The following ZNF443 variants were observed in gnomAD, a reference collection of about 807,000 sequenced individuals.
ZNF443 encodes Kruppel-type zinc finger (C2H2).
In ZNF443, 3 loss-of-function variants were observed where a neutral mutation model predicts 12.0. The observed-to-expected ratio is 0.25, with a 90% CI of 0.11 to 0.64. The LOEUF (loss-of-function observed/expected upper bound fraction) is 0.64. Among genes scored for constraint, ZNF443 ranks in the 30% least tolerant of loss-of-function variants. The probability of loss-of-function intolerance (pLI) is 0.84; values close to 1 mark genes in which losing one functional copy is unlikely to be tolerated. For missense variants in ZNF443, 770 were observed against 808.8 expected (o/e 0.95, Z 0.58); for synonymous variants, 225 against 265.9 (o/e 0.85, Z 1.50).
rs764952345 is a variant in ZNF443 at position 12,431,438 on chromosome 19, C to A, written c.734G>T (p.Arg245Ile). 2.2e-5 allele frequency: 36 copies of A among 1,613,900 alleles called. No individual in the cohort carries two copies. Among genetic ancestry groups the A allele is most frequent in the Non-Finnish European group, 3.0e-5 (35 of 1,179,958 alleles). Reference sequence around the variant, plus strand: ...ATACGGTTTCTCCCCAGTATGTGTTCTTTCATGTCTTAGATAGGAACTGTA... The same window carrying A: ...ATACGGTTTCTCCCCAGTATGTGTTATTTCATGTCTTAGATAGGAACTGTA... ...SFYSSYLRHE[R>I]THTGEKPYEC... The change falls in exon 4 of 4, where the codon AGA (arginine) becomes ATA (isoleucine). Residue 245 changes from arginine to isoleucine, a missense_variant. Arg to Ile is a moderately conservative substitution (Grantham distance 97). Around this residue, in one of 3 missense-constraint regions of ZNF443, gnomAD observed 736 missense variants for 689.4 expected, o/e 1.07. Coordinates refer to ENST00000301547, the MANE Select transcript of ZNF443 (RefSeq NM_005815.5).
chr19:12,435,268 G>A (rs62110698), intron 1 of ZNF443, among the ~76,000 whole-genome samples: 49,191 of 151,258 alleles, frequency 0.33, 8,228 homozygotes, highest in South Asian at 0.47. Context: ...GAGCCACAGT[G>A]CCCAGCCAAG....
intron 1 of ZNF443, among the ~76,000 whole-genome samples, chr19:12,440,709 C>T (rs1309833012): frequency 2.0e-5 from 3 of 152,202 alleles, no homozygotes; most frequent in African/African-American, 7.2e-5. Flanking sequence ...CCGCAGTCGC[C>T]GCGCAGGAAC....
Position 12,430,975 on chromosome 19 carries a change from C to T in ZNF443, c.1197G>A (p.Gly399=). 6.2e-7 allele frequency: 1 copy of T among 1,613,694 alleles called. No individual in the cohort carries two copies. The highest frequency in any genetic ancestry group is 8.5e-7 in the Non-Finnish European group (1 of 1,179,790). Residue 399 remains glycine (G), a synonymous_variant, in exon 4 of 4, where the codon GGG becomes GGA. Coordinates refer to ENST00000301547, the MANE Select transcript of ZNF443 (RefSeq NM_005815.5). ...AGCTTGAGCGATGAGATAATGCTTT[C>T]CCACACTGCTTGCATTCATAGGGTT... ...GEKPYECKQC[G]KALSHRSSFR...
intron 1 of ZNF443, among the ~76,000 whole-genome samples, chr19:12,437,956 C>T (rs1224785708): frequency 7.0e-6 from 1 of 143,502 alleles, no homozygotes; most frequent in East Asian, 2.0e-4. Context: ...AAAAAATTAG[C>T]CAGGCATGGT....
chr19:12,430,950 A>T lies in ZNF443; in HGVS notation c.1222T>A (p.Phe408Ile), dbSNP rs1367664900. Residue 408 changes from phenylalanine to isoleucine, a missense_variant, in exon 4 of 4, where the codon TTT becomes ATT. Around this residue, in one of 3 missense-constraint regions of ZNF443, gnomAD observed 736 missense variants for 689.4 expected, o/e 1.07. Coordinates refer to ENST00000301547, the MANE Select transcript of ZNF443 (RefSeq NM_005815.5). Reference protein sequence around the residue: ...CGKALSHRSSFRSHMIMHTGD... With the variant: ...CGKALSHRSSIRSHMIMHTGD... The stretch of plus-strand genomic sequence containing the variant: ...GTGTGCATTATCATATGACTTCGAA[A>T]GCTTGAGCGATGAGATAATGCTTTC... 1.2e-6 allele frequency: 2 copies of T among 1,613,570 alleles called. No homozygotes were observed. The highest frequency in any genetic ancestry group is 1.7e-6 in the Non-Finnish European group (2 of 1,179,748).
intron 1 of ZNF443, among the ~76,000 whole-genome samples, chr19:12,438,055 C>T (rs1377712329): frequency 2.0e-5 from 3 of 150,466 alleles, no homozygotes; most frequent in African/African-American, 7.4e-5. Context: ...GAGCTGAGAT[C>T]GTGCCACTGC....
rs575112192 is a variant in ZNF443 at position 12,430,582 on chromosome 19, T to C, written c.1590A>G (p.Lys530=). Residue 530 remains lysine, a synonymous_variant, in exon 4 of 4, where the codon AAA becomes AAG. Transcript: ENST00000301547. ...SRHKRTHTGE[K]PYECKTCRKA... ...TCCTACATGTTTTACACTCATAAGG[T>C]TTCTCTCCTGTGTGAGTCCTTTTAT... 2.5e-6 allele frequency: 4 copies of C among 1,613,822 alleles called. No individual in the cohort carries two copies. The highest frequency in any genetic ancestry group is 2.2e-5 in the East Asian group (1 of 44,806).
chr19:12,433,767 G>C (rs1216697948), intron 1 of ZNF443, among the ~76,000 whole-genome samples: 2 of 151,026 alleles, frequency 1.3e-5, no homozygotes, highest in Non-Finnish European at 2.9e-5. Flanking sequence ...AGAGTGCACT[G>C]ATCAGCCACT....
In ZNF443 at chr19:12,430,813, T is replaced by C. The variant is rs1970243197; in HGVS notation, c.1359A>G (p.Gln453=). ...HTAEKPYKCK[Q]CGKAYRISSS... is the part of the protein sequence containing the mutation. ...TGGAAATACGGTAGGCTTTGCCACA[T>C]TGTTTACATTTATAGGGTTTCTCTG... The change falls in exon 4 of 4, where the codon CAA becomes CAG. Residue 453 remains glutamine, a synonymous_variant. Coordinates refer to ENST00000301547, the MANE Select transcript of ZNF443 (RefSeq NM_005815.5). The C allele has an allele frequency of 2.5e-6, 4 of 1,614,008 alleles. No individual in the cohort carries two copies. Among genetic ancestry groups the C allele is most frequent in the African/African-American group, 2.7e-5 (2 of 74,934 alleles).
chr19:12,433,838 A>AG (rs1970282228), intron 1 of ZNF443, among the ~76,000 whole-genome samples: 1 of 120,600 alleles, frequency 8.3e-6, no homozygotes, highest in Non-Finnish European at 1.7e-5. Context: ...CCAAAGTGGC[A>AG]GAAAAAAAAA....
At chr19:12,438,035 A>C (rs1434010791) in intron 1 of ZNF443, among the ~76,000 whole-genome samples, 1 of 151,144 alleles carries the variant, frequency 6.6e-6, no homozygotes, top group African/African-American at 2.4e-5. Context: ...CAGGAGGCGG[A>C]GGTTGCAGTG....
intron 1 of ZNF443, among the ~76,000 whole-genome samples, chr19:12,434,565 T>C (rs1227811100): frequency 1.3e-5 from 2 of 152,090 alleles, no homozygotes; most frequent in Non-Finnish European, 2.9e-5. Context: ...TCAACAAAAA[T>C]TACATTACCA....
intron 1 of ZNF443, 89 bp downstream of exon 1, chr19:12,440,823 T>A: frequency 6.2e-7 from 1 of 1,608,922 alleles, no homozygotes; most frequent in Non-Finnish European, 8.5e-7. Context: ...GAAGTCGCCC[T>A]TGGGGAGGCC....
At chr19:12,438,034 G>A (rs1292794489) in intron 1 of ZNF443, among the ~76,000 whole-genome samples, 1 of 151,966 alleles carries the variant, frequency 6.6e-6, no homozygotes, top group Non-Finnish European at 1.5e-5. Flanking sequence ...GCAGGAGGCG[G>A]AGGTTGCAGT....
At chr19:12,434,577 G>A (rs1568238303) in intron 1 of ZNF443, among the ~76,000 whole-genome samples, 1 of 152,024 alleles carries the variant, frequency 6.6e-6, no homozygotes, top group Non-Finnish European at 1.5e-5. Context: ...ACATTACCAA[G>A]TCTAATAGAA....
chr19:12,430,837 T>C lies in ZNF443; in HGVS notation c.1335A>G (p.Ala445=). The change falls in exon 4 of 4, where the codon GCA becomes GCG. Residue 445 remains alanine, a synonymous_variant. Transcript: ENST00000301547. ...VFQRHERTHT[A]EKPYKCKQCG... Reference sequence around the variant, plus strand: ...ATTGTTTACATTTATAGGGTTTCTCTGCAGTGTGAGTCCTTTCATGTCTTT... The same window carrying C: ...ATTGTTTACATTTATAGGGTTTCTCCGCAGTGTGAGTCCTTTCATGTCTTT... 1.9e-6 allele frequency: 3 copies of C among 1,614,168 alleles called. No homozygotes were observed. The highest frequency in any genetic ancestry group is 1.7e-6 in the Non-Finnish European group (2 of 1,179,980).
rs764236722 is a variant in ZNF443 at position 12,431,072 on chromosome 19, C to G, written c.1100G>C (p.Cys367Ser). The G allele has an allele frequency of 6.2e-7, 1 of 1,614,062 alleles. No homozygotes were observed. Among genetic ancestry groups the G allele is most frequent in the Non-Finnish European group, 8.5e-7 (1 of 1,179,974 alleles). The change falls in exon 4 of 4, where the codon TGT becomes TCT. Residue 367 changes from cysteine to serine, a missense_variant. This residue lies in a region of ZNF443 where 736 missense variants were observed against 689.4 expected (regional missense o/e 1.07). Transcript: ENST00000301547. ...ATCAAAGCCTTTCCCACATATCTTA[C>G]ATTTATGAGGTCCATTTCCAGTGTG... is the stretch of plus-strand genomic sequence containing the variant. ...IRHTGNGPHKCKICGKGFDCP... is the reference protein window; with the variant it reads ...IRHTGNGPHKSKICGKGFDCP...
At chr19:12,439,014 G>C (rs1970340452) in intron 1 of ZNF443, among the ~76,000 whole-genome samples, 1 of 152,138 alleles carries the variant, frequency 6.6e-6, no homozygotes, top group Non-Finnish European at 1.5e-5. Flanking sequence ...AAAGTCTAAT[G>C]CAACAATCAG....
rs1437899674 is a variant in ZNF443, at chr19:12,437,006, C to G, written c.4-3809G>C. Reference sequence around the variant, plus strand: ...GAACACTGGGTTATATGAGCATTACCCTAAAAGCCAGTACAGTGTTACTTA... The same window carrying G: ...GAACACTGGGTTATATGAGCATTACGCTAAAAGCCAGTACAGTGTTACTTA... On this transcript the variant is annotated intron_variant, in intron 1 of 3. Coordinates refer to ENST00000301547, the MANE Select transcript of ZNF443 (RefSeq NM_005815.5). Among the ~76,000 whole-genome samples, 3 of 150,594 alleles carry G rather than the reference C, an allele frequency of 2.0e-5. No individual in the cohort carries two copies. In the East Asian group the frequency reaches 5.8e-4, roughly 29 times the overall value.
Sources: allele counts gnomAD v4.1 joint callset (sites outside exome capture counted in the v4.1 genomes callset), GRCh38; gene constraint gnomAD v4.1.1; regional missense constraint gnomAD v4.1.1; transcripts MANE v1.5; gene names NCBI Gene and HGNC (gene_info 2026-07-23, HGNC 2026-07-21).